Variants in AKAP19 observed in about 807,000 individuals in gnomAD.
The protein encoded by AKAP19 is A-kinase anchoring protein 19.
the AKAP19 span, among the ~76,000 whole-genome samples, chr2:189,920,385 AGAAAG>A: frequency 1.3e-5 from 2 of 152,194 alleles, no homozygotes; most frequent in Non-Finnish European, 2.9e-5. Context: ...AGGCAGAAGA[AGAAAG>A]GAAAGTAGAG....
At chr2:189,965,395 A>G in the AKAP19 span, among the ~76,000 whole-genome samples, 2 of 152,268 alleles carry the variant, frequency 1.3e-5, no homozygotes, top group African/African-American at 4.8e-5. Context: ...GAGCACAGCT[A>G]TTAGAAAAAT....
the AKAP19 span, among the ~76,000 whole-genome samples, chr2:189,894,549 C>T: frequency 6.6e-6 from 1 of 151,942 alleles, no homozygotes; most frequent in Admixed American, 6.6e-5. Flanking sequence ...TTTTTCTTCT[C>T]GGATCACCTC....
chr2:190,163,217 G>A, the AKAP19 span, among the ~76,000 whole-genome samples: 2 of 151,294 alleles, frequency 1.3e-5, no homozygotes, highest in South Asian at 2.1e-4. Context: ...GGCGGATCAC[G>A]AGGTCAGGAG....
the AKAP19 span, among the ~76,000 whole-genome samples, chr2:189,956,590 T>G: frequency 6.6e-6 from 1 of 151,938 alleles, no homozygotes; most frequent in Admixed American, 6.6e-5. Context: ...CATATTAATT[T>G]TTTTTTGAGA....
the AKAP19 span, among the ~76,000 whole-genome samples, chr2:189,910,914 A>G: frequency 4.3e-4 from 66 of 152,204 alleles, no homozygotes; most frequent in African/African-American, 1.4e-3. Context: ...AGCACTGTTC[A>G]CATTTAAAGG....
chr2:189,947,112 G>T, the AKAP19 span, among the ~76,000 whole-genome samples: 1 of 152,136 alleles, frequency 6.6e-6, no homozygotes, highest in South Asian at 2.1e-4. Flanking sequence ...AAACACAAAA[G>T]TGCCTAGCAC....
chr2:189,880,079 T>C, the AKAP19 span, among the ~76,000 whole-genome samples: 2 of 152,216 alleles, frequency 1.3e-5, no homozygotes, highest in Non-Finnish European at 2.9e-5. Flanking sequence ...CGTGATTCTC[T>C]GTGATTTTAT....
the AKAP19 span, among the ~76,000 whole-genome samples, chr2:190,075,275 A>G: frequency 6.6e-6 from 1 of 152,148 alleles, no homozygotes; most frequent in African/African-American, 2.4e-5. Flanking sequence ...ATATCATTTT[A>G]CATTTATTAA....
At chr2:190,058,916 A>G in the AKAP19 span, among the ~76,000 whole-genome samples, 1 of 151,932 alleles carries the variant, frequency 6.6e-6, no homozygotes, top group East Asian at 1.9e-4. Context: ...CTAAAACCTC[A>G]GACTTCACCA....
chr2:190,165,329 C>T, the AKAP19 span, among the ~76,000 whole-genome samples: 6 of 151,918 alleles, frequency 3.9e-5, no homozygotes, highest in Admixed American at 2.0e-4. Context: ...CCCAGATACT[C>T]GAGAGGCTGA....
At chr2:190,183,844 T>A in the AKAP19 span, among the ~76,000 whole-genome samples, 1 of 151,834 alleles carries the variant, frequency 6.6e-6, no homozygotes, top group South Asian at 2.1e-4. Flanking sequence ...TCTCTCTTAG[T>A]GAGGTTTCCA....
At chr2:190,163,421 G>A in the AKAP19 span, among the ~76,000 whole-genome samples, 3 of 148,862 alleles carry the variant, frequency 2.0e-5, no homozygotes, top group East Asian at 2.0e-4. Context: ...GAGACACAGC[G>A]AGACTCCGTC....
At chr2:190,093,006 T>C in the AKAP19 span, among the ~76,000 whole-genome samples, 1 of 152,148 alleles carries the variant, frequency 6.6e-6, no homozygotes, top group Non-Finnish European at 1.5e-5. Flanking sequence ...ATATAATAAT[T>C]TATATTCATG....
At chr2:190,073,545 A>G in the AKAP19 span, among the ~76,000 whole-genome samples, 142 of 149,450 alleles carry the variant, frequency 9.5e-4, no homozygotes, top group Admixed American at 2.9e-3. Flanking sequence ...TTCTAGAATT[A>G]AAATAATTAA....
At chr2:189,951,211 T>C in the AKAP19 span, among the ~76,000 whole-genome samples, 11 of 143,282 alleles carry the variant, frequency 7.7e-5, no homozygotes, top group Non-Finnish European at 6.1e-5. Context: ...TTTTTTTTTT[T>C]TTTTTTTTGA....
At chr2:190,007,472 A>G in the AKAP19 span, among the ~76,000 whole-genome samples, 1 of 152,180 alleles carries the variant, frequency 6.6e-6, no homozygotes, top group African/African-American at 2.4e-5. Flanking sequence ...TATGGATGAA[A>G]AATTGGTAAG....
chr2:189,985,955 A>C, the AKAP19 span, among the ~76,000 whole-genome samples: 1 of 152,246 alleles, frequency 6.6e-6, no homozygotes, highest in Admixed American at 6.5e-5. Context: ...AAAAAGATGA[A>C]GTAAAATTTG....
the AKAP19 span, among the ~76,000 whole-genome samples, chr2:189,901,953 A>T: frequency 1.6e-3 from 246 of 152,298 alleles, 1 homozygote; most frequent in Non-Finnish European, 2.9e-3. Flanking sequence ...GTAAATATGA[A>T]TAAAACACAT....
the AKAP19 span, among the ~76,000 whole-genome samples, chr2:189,929,720 A>G: frequency 6.6e-6 from 1 of 152,200 alleles, no homozygotes; most frequent in Non-Finnish European, 1.5e-5. Context: ...ATAATAATAC[A>G]CTATTTAAAA....
Sources: allele counts gnomAD v4.1 joint callset (sites outside exome capture counted in the v4.1 genomes callset), GRCh38; gene constraint gnomAD v4.1.1; transcripts MANE v1.5; gene names NCBI Gene and HGNC (gene_info 2026-07-23, HGNC 2026-07-21).